The following ZNF385D variants were observed in gnomAD, a reference collection of about 807,000 sequenced individuals.
ZNF385D encodes the protein zinc finger protein 659.
In ZNF385D, 15 loss-of-function variants were observed where a neutral mutation model predicts 35.8. That is an observed-to-expected ratio of 0.42 (90% CI 0.28 to 0.64). The LOEUF (loss-of-function observed/expected upper bound fraction) is 0.64, where lower values mean the gene tolerates loss of function less well. ZNF385D is among the 30% of genes least tolerant of loss of function. The pLI is 0.23. For synonymous variants in ZNF385D, 212 were observed against 186.8 expected (o/e 1.13, Z -1.10); for missense variants, 474 against 494.6 (o/e 0.96, Z 0.39).
chr3:21,709,327 T>A (rs2068016899), intron 1 of ZNF385D, among the ~76,000 whole-genome samples: 1 of 152,178 alleles, frequency 6.6e-6, no homozygotes, highest in African/African-American at 2.4e-5. Context: ...TCAATGACTT[T>A]CTAATTTTTC....
chr3:21,766,470 T>A (rs1443439161), intron 3 of ZNF385D, among the ~76,000 whole-genome samples: 1 of 152,036 alleles, frequency 6.6e-6, no homozygotes, highest in Admixed American at 6.6e-5. Flanking sequence ...TAAGGATGAG[T>A]TTGTGTTTGA....
In ZNF385D at chr3:21,839,439, A is replaced by G. The variant is rs115823654; in HGVS notation, c.326-174411T>C. On this transcript the variant is annotated intron_variant, in intron 3 of 5. Coordinates refer to the ZNF385D transcript ENST00000494108. ...GTCTTTGGCGCCTAGCTTCTTCTCT[A>G]AAATCTCTCACTTTCCTAAACTATG... Among the ~76,000 whole-genome samples the G allele has an allele frequency of 3.7e-3, 556 of 152,218 alleles. 2 individuals are homozygous for G. The highest frequency in any genetic ancestry group is 6.0e-3 in the Non-Finnish European group (405 of 67,984).
intron 1 of ZNF385D, among the ~76,000 whole-genome samples, chr3:21,704,726 C>T (rs1052789977): frequency 6.6e-6 from 1 of 152,068 alleles, no homozygotes; most frequent in Non-Finnish European, 1.5e-5. Flanking sequence ...GTAAAAGCTG[C>T]ATTAAATCAT....
chr3:21,473,258 A>C (rs1442007639), intron 4 of ZNF385D, among the ~76,000 whole-genome samples: 3 of 151,812 alleles, frequency 2.0e-5, no homozygotes, highest in Non-Finnish European at 2.9e-5. Flanking sequence ...TCTGTGGAGG[A>C]TGTGGTGGTC....
intron 3 of ZNF385D, among the ~76,000 whole-genome samples, chr3:21,892,321 C>T (rs1698910686): frequency 6.6e-6 from 1 of 152,098 alleles, no homozygotes; most frequent in Non-Finnish European, 1.5e-5. Flanking sequence ...AGCACAGAAA[C>T]CTAGAAGGAG....
At chr3:21,506,129 C>T (rs936043867) in intron 4 of ZNF385D, among the ~76,000 whole-genome samples, 7 of 152,090 alleles carry the variant, frequency 4.6e-5, no homozygotes. Context: ...TTTTGCTTCT[C>T]TAGAGGAGAA....
chr3:21,999,927 T>C, intron 3 of ZNF385D, among the ~76,000 whole-genome samples: 1 of 152,048 alleles, frequency 6.6e-6, no homozygotes. Context: ...TAAAAAATAA[T>C]AGCTAACAAG....
At chr3:22,317,273 C>A (rs1466618555) in intron 2 of ZNF385D, among the ~76,000 whole-genome samples, 1 of 67,618 alleles carries the variant, frequency 1.5e-5, no homozygotes, top group African/African-American at 5.4e-5. Flanking sequence ...GAGTGAAACT[C>A]CATCTCCAAA....
In ZNF385D at chr3:21,758,975, CAAAAAAAAAAAA is replaced by C. The variant is rs58450064; in HGVS notation, c.326-93959_326-93948del. Among the ~76,000 whole-genome samples, 291 of 29,232 alleles carry C rather than the reference CAAAAAAAAAAAA, an allele frequency of 1.0e-2. 8 individuals are homozygous for C. The highest frequency in any genetic ancestry group is 0.036 in the Middle Eastern group (1 of 28). 19.2% of individuals were successfully genotyped at this position (29,232 alleles called of 152,430 possible). A position where few individuals can be genotyped will look rare whatever the true frequency, so the allele number is the denominator to read the frequency against. Reference sequence around the variant, plus strand: ...TCATTATAACCATCATCATCACTGGCAAAAAAAAAAAAAAAAAAAAAAAAAAAAAAACAGTGG... The same window carrying C: ...TCATTATAACCATCATCATCACTGGCAAAAAAAAAAAAAAAAAAACAGTGG... On this transcript the variant is annotated intron_variant, in intron 3 of 5. Transcript: ENST00000494108.
chr3:21,917,065 C>T (rs1457242931), intron 3 of ZNF385D, among the ~76,000 whole-genome samples: 3 of 152,034 alleles, frequency 2.0e-5, no homozygotes, highest in Admixed American at 2.0e-4. Context: ...AAAGAGAATC[C>T]ATTAAATAGA....
upstream of ZNF385D, among the ~76,000 whole-genome samples, chr3:21,753,996 A>G (rs2070227353): frequency 6.6e-6 from 1 of 152,192 alleles, no homozygotes; most frequent in Non-Finnish European, 1.5e-5. Flanking sequence ...AGGTTTATCC[A>G]TATTGTCACA....
intron 3 of ZNF385D, among the ~76,000 whole-genome samples, chr3:22,142,464 C>G (rs2125705651): frequency 1.3e-5 from 2 of 152,258 alleles, no homozygotes; most frequent in South Asian, 4.1e-4. Flanking sequence ...TGGTTTAATT[C>G]TGCTGAAGTT....
At chr3:21,728,541 G>A (rs1283277424) in intron 1 of ZNF385D, among the ~76,000 whole-genome samples, 2 of 152,148 alleles carry the variant, frequency 1.3e-5, no homozygotes, top group African/African-American at 4.8e-5. Flanking sequence ...AATTTGTGAT[G>A]ATCAAATAAG....
intron 3 of ZNF385D, among the ~76,000 whole-genome samples, chr3:21,892,019 C>G (rs1253821322): frequency 6.6e-6 from 1 of 152,126 alleles, no homozygotes; most frequent in African/African-American, 2.4e-5. Flanking sequence ...TGCAAAATAT[C>G]CATTTTAATT....
intron 4 of ZNF385D, among the ~76,000 whole-genome samples, chr3:21,496,539 CAT>C (rs1334506625): frequency 0.013 from 1,176 of 92,432 alleles, 22 homozygotes; most frequent in African/African-American, 0.041. Context: ...ATATATATAT[CAT>C]ATATATATAC....
intron 3 of ZNF385D, among the ~76,000 whole-genome samples, chr3:21,764,267 G>C (rs2070738781): frequency 6.6e-6 from 1 of 152,102 alleles, no homozygotes; most frequent in East Asian, 1.9e-4. Context: ...GGAAAGGCAG[G>C]GGAGAGTGGT....
intron 3 of ZNF385D, among the ~76,000 whole-genome samples, chr3:22,015,028 A>G (rs2125444179): frequency 6.6e-6 from 1 of 152,276 alleles, no homozygotes; most frequent in East Asian, 1.9e-4. Flanking sequence ...CAACAAGCAT[A>G]TATCACTGTG....
chr3:22,263,126 C>T (rs888547755), intron 2 of ZNF385D, among the ~76,000 whole-genome samples: 1 of 151,942 alleles, frequency 6.6e-6, no homozygotes, highest in Non-Finnish European at 1.5e-5. Context: ...GGCTCCCCTC[C>T]TATTGTTAAT....
chr3:21,717,608 AT>A (rs1248396582), intron 1 of ZNF385D, among the ~76,000 whole-genome samples: 5 of 152,282 alleles, frequency 3.3e-5, no homozygotes, highest in African/African-American at 1.2e-4. Context: ...AGCTCTCATA[AT>A]TCCCACGTGG....
Sources: gnomAD v4.1 joint callset for allele counts (sites outside exome capture counted in the v4.1 genomes callset) on GRCh38, gnomAD v4.1.1 for gene constraint, MANE v1.5 for transcripts, NCBI Gene and HGNC (gene_info 2026-07-23, HGNC 2026-07-21) for gene names.